The following IGSF3 variants were observed in gnomAD, a reference collection of about 807,000 sequenced individuals.
IGSF3 encodes immunoglobulin superfamily member 3, also known as glu-Trp-Ile EWI motif-containing protein 3.
IGSF3 carries 23 observed loss-of-function variants against 114.4 expected under a neutral mutation model. The ratio of observed to expected loss-of-function variants is 0.20; its 90% CI spans 0.14 to 0.28. The LOEUF is 0.28. Among genes scored for constraint, IGSF3 ranks in the 10% least tolerant of loss-of-function variants. The probability of loss-of-function intolerance (pLI) is 1.00; values close to 1 mark genes in which losing one functional copy is unlikely to be tolerated. For missense variants in IGSF3, 1,172 were observed against 1,591.5 expected, an observed-to-expected ratio of 0.74 and a Z score of 4.48; for synonymous variants, 571 against 645.2, an observed-to-expected ratio of 0.88 and a Z score of 1.74.
chr1:116,635,403 G>C (rs1571178138), intron 2 of IGSF3, among the ~76,000 whole-genome samples: 1 of 152,144 alleles, frequency 6.6e-6, no homozygotes, highest in Non-Finnish European at 1.5e-5. Context: ...TTCTTAATAT[G>C]ACCCTCACCC....
chr1:116,630,989 G>A (rs1647546959), intron 2 of IGSF3, among the ~76,000 whole-genome samples: 1 of 152,052 alleles, frequency 6.6e-6, no homozygotes, highest in Non-Finnish European at 1.5e-5. Context: ...AGCAGACAGG[G>A]GCCAGGCCAG....
intron 2 of IGSF3, chr1:116,617,446 C>T (rs2336251): frequency 1.3e-6 from 1 of 794,790 alleles, no homozygotes; most frequent in Non-Finnish European, 1.5e-6. Context: ...AGGTGAGTTA[C>T]AGGCGCAGCT....
In IGSF3 at chr1:116,608,516, G is replaced by A. The variant is rs189900713; in HGVS notation, c.833-185C>T. Among the ~76,000 whole-genome samples, 1,364 of 152,206 alleles carry A rather than the reference G, an allele frequency of 9.0e-3. 14 individuals carry two copies. The highest frequency in any genetic ancestry group is 0.014 in the Middle Eastern group (4 of 294). On this transcript the variant is annotated intron_variant, in intron 4 of 10. Transcript: ENST00000369486. ...CAGGTTATCTAAGGTCCAGAGAAAC[G>A]CCTGAATATCACAGAGAGAATTCAA...
Position 116,589,063 on chromosome 1 carries a change from G to A in IGSF3, c.2071C>T (p.Leu691=), listed in dbSNP as rs770927122. ...AACTGAATGGGCTTGTTTTCCACCA[G>A]GGTGAGGGTCCTCTTCGATTTGCTC... The part of the protein sequence containing the change: ...QVSKSKRTLT[L]VENKPIQLNC... Residue 691 remains leucine (L), a synonymous_variant, in exon 8 of 11, where the codon CTG becomes TTG. Transcript: ENST00000369486. This position sits in a 1 kb window ranked among gnomAD's most constrained non-coding sequence, Gnocchi z 5.7. 2.5e-6 allele frequency: 4 copies of A among 1,614,142 alleles called. No homozygotes were observed. The highest frequency in any genetic ancestry group is 3.4e-6 in the Non-Finnish European group (4 of 1,180,006).
rs371763513 is a variant in IGSF3 at position 116,607,897 on chromosome 1, G to C, written c.1222+45C>G. 8.2e-6 allele frequency: 13 copies of C among 1,586,916 alleles called. No homozygotes were observed. Among genetic ancestry groups the C allele is most frequent in the Non-Finnish European group, 1.1e-5 (13 of 1,160,966 alleles). On this transcript the variant is annotated intron_variant, in intron 5 of 10. Transcript: ENST00000369486. The surrounding 1 kb of genome is among the most constrained non-coding windows in gnomAD (Gnocchi z 6.1). ...CTCTCTCCCCCTACCTCTCCTAAATGATGCTGAGCCAAAGGAGAAGAAAGC... is the reference window on the plus strand; with the variant it reads ...CTCTCTCCCCCTACCTCTCCTAAATCATGCTGAGCCAAAGGAGAAGAAAGC...
rs1002620031 is a variant in IGSF3, at chr1:116,575,998, G to C, written c.*1314C>G. The stretch of plus-strand genomic sequence containing the variant: ...CAAACAGAAAGGATGACAAAGGGCT[G>C]CGTCTGGACTGCCCCCAGGCTGATA... On this transcript the variant is annotated 3_prime_UTR_variant, in exon 11 of 11. Transcript: ENST00000369486. This position sits in a 1 kb window ranked among gnomAD's most constrained non-coding sequence, Gnocchi z 5.6. 1.3e-5 allele frequency: 2 copies of C among 152,262 alleles called. No individual in the cohort carries two copies. Among genetic ancestry groups the C allele is most frequent in the African/African-American group, 2.4e-5 (1 of 41,460 alleles). 9.4% of individuals were successfully genotyped at this position (152,262 alleles called of 1,614,324 possible). A position where few individuals can be genotyped will look rare whatever the true frequency, so the allele number is the denominator to read the frequency against.
chr1:116,604,871 T>C (rs992336211), intron 5 of IGSF3, among the ~76,000 whole-genome samples: 7 of 152,238 alleles, frequency 4.6e-5, no homozygotes, highest in African/African-American at 1.4e-4. Context: ...CCTCTTCTTC[T>C]GTAAGACAGG....
rs1660331618 is a variant in IGSF3, at chr1:116,596,165, C to A, written c.2029+3776G>T. Among the ~76,000 whole-genome samples, 1 of 152,124 alleles carries A rather than the reference C, an allele frequency of 6.6e-6. No homozygotes were observed. The highest frequency in any genetic ancestry group is 1.5e-5 in the Non-Finnish European group (1 of 68,036). On this transcript the variant is annotated intron_variant, in intron 7 of 10. Transcript: ENST00000369486. This position sits in a 1 kb window ranked among gnomAD's most constrained non-coding sequence, Gnocchi z 4.1. ...AGCAGGGACGAGTCTGGGGCACAGA[C>A]CACAAAGAAGCTTGCTGCGATAAAT...
chr1:116,613,270 A>T (rs977554018), intron 4 of IGSF3, among the ~76,000 whole-genome samples: 11 of 152,234 alleles, frequency 7.2e-5, no homozygotes, highest in Admixed American at 5.2e-4. Context: ...ATTAGATAAA[A>T]AATAATAATT....
In IGSF3 at chr1:116,640,341, A is replaced by C. The variant is rs557729581; in HGVS notation, c.44-23884T>G. ...TTTTTTTATTTTCCTTTCAAGAAAG[A>C]AAGCATTACAGGCTGTGCTTCAATC... On this transcript the variant is annotated intron_variant, in intron 2 of 10. Transcript: ENST00000369486. Among the ~76,000 whole-genome samples the C allele has an allele frequency of 4.6e-5, 7 of 152,318 alleles. No individual in the cohort carries two copies. The South Asian group carries it at 8.3e-4, about 18-fold the overall frequency.
rs1276600802 is a variant in IGSF3, at chr1:116,648,865, C to T, written c.43+17419G>A. On this transcript the variant is annotated intron_variant, in intron 2 of 10. Transcript: ENST00000369486. This position sits in a 1 kb window ranked among gnomAD's most constrained non-coding sequence, Gnocchi z 4.7. The stretch of plus-strand genomic sequence containing the variant: ...GCCTGTGGAGAGAGCAGCCTTCTCA[C>T]CAGCACAGCTCATGAACAAGGATGC... Among the ~76,000 whole-genome samples, 1 of 152,168 alleles carries T rather than the reference C, an allele frequency of 6.6e-6. No homozygotes were observed. The highest frequency in any genetic ancestry group is 2.4e-5 in the African/African-American group (1 of 41,414).
intron 7 of IGSF3, among the ~76,000 whole-genome samples, chr1:116,591,366 G>A (rs1432196309): frequency 6.6e-6 from 1 of 152,132 alleles, no homozygotes. Flanking sequence ...GTTCAGCATG[G>A]AGTAGAAAGA....
Position 116,661,301 on chromosome 1 carries a change from T to C in IGSF3, c.43+4983A>G, listed in dbSNP as rs1192791973. 1.3e-5 allele frequency among the ~76,000 whole-genome samples: 2 copies of C among 149,876 alleles called. No individual in the cohort carries two copies. The highest frequency in any genetic ancestry group is 2.9e-5 in the Non-Finnish European group (2 of 67,974). The stretch of plus-strand genomic sequence containing the variant: ...GTGTGAGACTCCATCTCAAAAAAAA[T>C]AAAATAACTGAACACCTGCTTACTT... On this transcript the variant is annotated intron_variant, in intron 2 of 10. Coordinates refer to ENST00000369486, the MANE Select transcript of IGSF3 (RefSeq NM_001007237.3). This position sits in a 1 kb window ranked among gnomAD's most constrained non-coding sequence, Gnocchi z 4.0.
In IGSF3 at chr1:116,592,806, C is replaced by T. The variant is rs1211086525; in HGVS notation, c.2030-3702G>A. On this transcript the variant is annotated intron_variant, in intron 7 of 10. Transcript: ENST00000369486. The surrounding 1 kb of genome is among the most constrained non-coding windows in gnomAD (Gnocchi z 4.5). ...ATTCTAAGCATATGCAGGGCAGGGA[C>T]TCTGACCCAATCATTGTTAAACTAA... is the stretch of plus-strand genomic sequence containing the variant. Among the ~76,000 whole-genome samples, 2 of 152,188 alleles carry T rather than the reference C, an allele frequency of 1.3e-5. No individual in the cohort carries two copies. Among genetic ancestry groups the T allele is most frequent in the African/African-American group, 4.8e-5 (2 of 41,448 alleles).
Position 116,600,932 on chromosome 1 carries a change from T to C in IGSF3, c.1625-587A>G, listed in dbSNP as rs986856194. Among the ~76,000 whole-genome samples the C allele has an allele frequency of 2.4e-4, 36 of 152,168 alleles. No homozygotes were observed. Among genetic ancestry groups the C allele is most frequent in the Non-Finnish European group, 2.9e-4 (20 of 68,040 alleles). On this transcript the variant is annotated intron_variant, in intron 6 of 10. Coordinates refer to ENST00000369486, the MANE Select transcript of IGSF3 (RefSeq NM_001007237.3). This position sits in a 1 kb window ranked among gnomAD's most constrained non-coding sequence, Gnocchi z 5.5. Reference sequence around the variant, plus strand: ...ATCCTAAATGCAGGGTTCTGCAGGCTCAGCGGCTGTGGGTCTCTCAATATT... The same window carrying C: ...ATCCTAAATGCAGGGTTCTGCAGGCCCAGCGGCTGTGGGTCTCTCAATATT...
At position 116,589,907 on chromosome 1, in the gene IGSF3, A is replaced by G. The variant is rs1660025116; in HGVS notation, c.2030-803T>C. Among the ~76,000 whole-genome samples, 2 of 152,198 alleles carry G rather than the reference A, an allele frequency of 1.3e-5. No individual in the cohort carries two copies. The highest frequency in any genetic ancestry group is 6.5e-5 in the Admixed American group (1 of 15,282). ...CCAGCCCTCATGGGGTGGACTGCCT[A>G]GCGGACATTCTTATCGCTGCACCCC... On this transcript the variant is annotated intron_variant, in intron 7 of 10. Transcript: ENST00000369486. The surrounding 1 kb of genome is among the most constrained non-coding windows in gnomAD (Gnocchi z 5.7).
rs1334421899 is a variant in IGSF3, at chr1:116,585,727, G to T, written c.2441-675C>A. On this transcript the variant is annotated intron_variant, in intron 8 of 10. Transcript: ENST00000369486. The surrounding 1 kb of genome is among the most constrained non-coding windows in gnomAD (Gnocchi z 4.9). ...GCTTGAGGCCAGGAGTTTGAGACCA[G>T]CCTGGCCAACACAATGAAACCCCAT... 1.3e-5 allele frequency among the ~76,000 whole-genome samples: 2 copies of T among 152,006 alleles called. No individual in the cohort carries two copies. The highest frequency in any genetic ancestry group is 2.4e-5 in the African/African-American group (1 of 41,380).
chr1:116,577,661 C>T lies in IGSF3; in HGVS notation c.3335-99G>A, dbSNP rs1571107302. 5 of 1,090,878 alleles carry T rather than the reference C, an allele frequency of 4.6e-6. No homozygotes were observed. The highest frequency in any genetic ancestry group is 2.4e-5 in the East Asian group (1 of 42,144). 67.6% of individuals were successfully genotyped at this position (1,090,878 alleles called of 1,614,324 possible). A position where few individuals can be genotyped will look rare whatever the true frequency, so the allele number is the denominator to read the frequency against. ...CTCACCTGACCCAGTGGAAGCTCCT[C>T]GGTGACACTCCCACACCACCTTGTC... On this transcript the variant is annotated intron_variant, in intron 10 of 10. Coordinates refer to ENST00000369486, the MANE Select transcript of IGSF3 (RefSeq NM_001007237.3). This position sits in a 1 kb window ranked among gnomAD's most constrained non-coding sequence, Gnocchi z 5.7.
chr1:116,638,905 G>A lies in IGSF3; in HGVS notation c.44-22448C>T, dbSNP rs576934417. 1.5e-4 allele frequency among the ~76,000 whole-genome samples: 23 copies of A among 152,282 alleles called. No individual in the cohort carries two copies. The highest frequency in any genetic ancestry group is 1.2e-3 in the Admixed American group (18 of 15,298). On this transcript the variant is annotated intron_variant, in intron 2 of 10. Coordinates refer to ENST00000369486, the MANE Select transcript of IGSF3 (RefSeq NM_001007237.3). The surrounding 1 kb of genome is among the most constrained non-coding windows in gnomAD (Gnocchi z 4.1). The stretch of plus-strand genomic sequence containing the variant: ...AGGTTAAGTATCTGCCCAGGGTCAC[G>A]TGCAAAGTCTGCATGCATGCTGAAC...
Sources: gnomAD v4.1 joint callset for allele counts (sites outside exome capture counted in the v4.1 genomes callset) on GRCh38, gnomAD v4.1.1 for gene constraint, Gnocchi (gnomAD v3.1) non-coding constraint, MANE v1.5 for transcripts, NCBI Gene and HGNC (gene_info 2026-07-23, HGNC 2026-07-21) for gene names.